GLDC: variants seen among roughly 807,000 people sequenced by gnomAD.
GLDC encodes the protein glycine dehydrogenase (decarboxylating), mitochondrial.
In GLDC, 104 loss-of-function variants were observed where a neutral mutation model predicts 121.3. The observed-to-expected ratio is 0.86, with a 90% CI of 0.73 to 1.01. GLDC has a LOEUF of 1.01. Among genes scored for constraint, GLDC ranks in the 50% least tolerant of loss-of-function variants. The pLI is 0.00. For missense variants in GLDC, 1,429 were observed against 1,306.6 expected (o/e 1.09, Z -1.44); for synonymous variants, 546 against 480.6 (o/e 1.14, Z -1.78).
intron 2 of GLDC, among the ~76,000 whole-genome samples, chr9:6,630,078 C>A (rs117299390): frequency 0.025 from 3,723 of 150,432 alleles, 60 homozygotes; most frequent in Non-Finnish European, 0.04. Flanking sequence ...GCATGAGCCA[C>A]CCCACCTGGT....
intron 8 of GLDC, among the ~76,000 whole-genome samples, chr9:6,597,422 T>C (rs1818512071): frequency 6.6e-6 from 1 of 152,186 alleles, no homozygotes; most frequent in Admixed American, 6.5e-5. Flanking sequence ...TATTCTTTAC[T>C]ACACCTGACT....
intron 16 of GLDC, 141 bp from the exon 17 acceptor site, chr9:6,558,825 C>G (rs1817687927): frequency 1.1e-6 from 1 of 902,440 alleles, no homozygotes; most frequent in African/African-American, 1.6e-5. Context: ...GCTTTAAAAT[C>G]TGCTACAATT....
intron 15 of GLDC, among the ~76,000 whole-genome samples, chr9:6,572,050 A>G (rs900213542): frequency 4.3e-4 from 66 of 152,336 alleles, no homozygotes; most frequent in African/African-American, 1.6e-3. Flanking sequence ...TAAATGGATC[A>G]TGGACTTAAA....
chr9:6,599,696 G>T (rs561513307), intron 8 of GLDC, among the ~76,000 whole-genome samples: 1 of 149,110 alleles, frequency 6.7e-6, no homozygotes, highest in African/African-American at 2.5e-5. Context: ...ATGCCAGCCT[G>T]GGTGACAGAG....
chr9:6,622,511 C>G (rs1437276700), intron 2 of GLDC, among the ~76,000 whole-genome samples: 1 of 151,988 alleles, frequency 6.6e-6, no homozygotes, highest in Admixed American at 6.5e-5. Context: ...CCCGAGGTGC[C>G]GGGATTGCAG....
chr9:6,632,639 G>A (rs945727458), intron 2 of GLDC, among the ~76,000 whole-genome samples: 2 of 152,186 alleles, frequency 1.3e-5, no homozygotes, highest in Non-Finnish European at 2.9e-5. Context: ...ACACAGATTC[G>A]CCCACAGCGA....
intron 2 of GLDC, among the ~76,000 whole-genome samples, chr9:6,630,229 A>G (rs1819348234): frequency 6.6e-6 from 1 of 152,020 alleles, no homozygotes; most frequent in Admixed American, 6.6e-5. Flanking sequence ...AGATCGTGCC[A>G]CTGCACCCCA....
At chr9:6,604,852 A>C in intron 6 of GLDC, 68 bp from the exon 7 acceptor site, 3 of 1,275,742 alleles carry the variant, frequency 2.4e-6, no homozygotes, top group Non-Finnish European at 3.4e-6. Flanking sequence ...GAGAGTAGGA[A>C]ATTATCTTAA....
intron 21 of GLDC, among the ~76,000 whole-genome samples, chr9:6,545,262 T>C (rs1415329964): frequency 6.6e-6 from 1 of 152,222 alleles, no homozygotes; most frequent in Non-Finnish European, 1.5e-5. Context: ...TGTACTTACA[T>C]AAACTAGTTG....
chr9:6,564,086 A>G (rs1045527588), intron 16 of GLDC, among the ~76,000 whole-genome samples: 13 of 152,180 alleles, frequency 8.5e-5, no homozygotes, highest in Non-Finnish European at 1.3e-4. Flanking sequence ...TGTTTCTACT[A>G]AAAATACAAA....
intron 3 of GLDC, among the ~76,000 whole-genome samples, chr9:6,615,501 G>A (rs993714911): frequency 1.3e-5 from 2 of 151,696 alleles, no homozygotes; most frequent in African/African-American, 2.4e-5. Flanking sequence ...AGGATTACGT[G>A]AGCCAAGGAG....
intron 15 of GLDC, chr9:6,565,796 T>A: frequency 2.1e-6 from 1 of 485,464 alleles, no homozygotes; most frequent in African/African-American, 1.9e-5. Context: ...CAGCCAGCTG[T>A]AACAATTTGG....
At chr9:6,578,861 T>A (rs1350797395) in intron 15 of GLDC, among the ~76,000 whole-genome samples, 2 of 152,234 alleles carry the variant, frequency 1.3e-5, no homozygotes, top group Non-Finnish European at 2.9e-5. Context: ...CTCCTTGTGA[T>A]TCCTCTTTGT....
At chr9:6,627,349 T>C (rs2129973352) in intron 2 of GLDC, among the ~76,000 whole-genome samples, 1 of 148,860 alleles carries the variant, frequency 6.7e-6, no homozygotes, top group East Asian at 2.0e-4. Flanking sequence ...AAAATATTAA[T>C]TATCTGTAAG....
intron 15 of GLDC, among the ~76,000 whole-genome samples, chr9:6,579,555 T>A (rs1047296406): frequency 2.4e-4 from 36 of 152,136 alleles, no homozygotes; most frequent in African/African-American, 8.0e-4. Flanking sequence ...GATGGGGTCT[T>A]ACTATGTCAC....
chr9:6,576,225 A>T (rs1277334275), intron 15 of GLDC, among the ~76,000 whole-genome samples: 1 of 152,196 alleles, frequency 6.6e-6, no homozygotes, highest in Admixed American at 6.5e-5. Flanking sequence ...CTAGAGGCTG[A>T]GATGTCCAAG....
chr9:6,556,511 G>C (rs760749012), intron 17 of GLDC, among the ~76,000 whole-genome samples: 9 of 152,298 alleles, frequency 5.9e-5, no homozygotes, highest in Non-Finnish European at 1.2e-4. Context: ...ATAAGATCCT[G>C]GCTGGGTGTG....
At chr9:6,560,312 A>G (rs1480210197) in intron 16 of GLDC, among the ~76,000 whole-genome samples, 1 of 152,248 alleles carries the variant, frequency 6.6e-6, no homozygotes, top group East Asian at 1.9e-4. Context: ...AAAACAGCAA[A>G]GGAGTCTACT....
At chr9:6,612,251 T>TCACACACACACACA in intron 3 of GLDC, among the ~76,000 whole-genome samples, 1 of 143,964 alleles carries the variant, frequency 6.9e-6, no homozygotes, top group African/African-American at 2.9e-5. Context: ...TCTCTCTCTC[T>TCACACACACACACA]CTCACACACA....
Sources: gnomAD v4.1 joint callset for allele counts (sites outside exome capture counted in the v4.1 genomes callset) on GRCh38, gnomAD v4.1.1 for gene constraint, MANE v1.5 for transcripts, NCBI Gene and HGNC (gene_info 2026-07-23, HGNC 2026-07-21) for gene names.